ANAPC1: variants seen among roughly 807,000 people sequenced by gnomAD.
ANAPC1 encodes anaphase promoting complex subunit 1.
ANAPC1 carries 36 observed loss-of-function variants against 208.0 expected under a neutral mutation model. That is an observed-to-expected ratio of 0.17 (90% confidence interval 0.13 to 0.23). ANAPC1 has a LOEUF of 0.23. Ranked by LOEUF, ANAPC1 falls within the 10% of genes least tolerant of loss-of-function variation. ANAPC1 has a pLI of 1.00. For missense variants in ANAPC1, 942 were observed against 2,011.6 expected, an observed-to-expected ratio of 0.47 and a Z score of 10.17; for synonymous variants, 378 against 695.2, an observed-to-expected ratio of 0.54 and a Z score of 7.18.
Position 111,799,298 on chromosome 2 carries a change from C to T in ANAPC1, c.4296+1499G>A, listed in dbSNP as rs548825225. Among the ~76,000 whole-genome samples, 1,370 of 152,074 alleles carry T rather than the reference C, an allele frequency of 9.0e-3. 10 individuals are homozygous for T. Among genetic ancestry groups the T allele is most frequent in the Non-Finnish European group, 0.013 (910 of 67,984 alleles). Reference sequence around the variant, plus strand: ...GCACTAAAACTTAAAAAACTAACACCATTAATTATCGGTTAGATGGGCAAC... The same window carrying T: ...GCACTAAAACTTAAAAAACTAACACTATTAATTATCGGTTAGATGGGCAAC... On this transcript the variant is annotated intron_variant, in intron 34 of 47. Coordinates refer to ENST00000341068, the MANE Select transcript of ANAPC1 (RefSeq NM_022662.4).
At chr2:111,767,246 T>C (rs920386167), downstream of ANAPC1, among the ~76,000 whole-genome samples, 2 of 151,250 alleles carry the variant, frequency 1.3e-5, no homozygotes, top group Non-Finnish European at 2.9e-5. Context: ...GTGTGACTAC[T>C]TCGGGCCAAC....
intron 17 of ANAPC1, among the ~76,000 whole-genome samples, chr2:111,840,978 G>C (rs373225807): frequency 6.6e-6 from 1 of 152,204 alleles, no homozygotes; most frequent in African/African-American, 2.4e-5. Context: ...AGGAGGCAGA[G>C]GTTGTAGTGA....
intron 13 of ANAPC1, among the ~76,000 whole-genome samples, chr2:111,853,527 A>C (rs1283714375): frequency 2.6e-5 from 4 of 151,922 alleles, no homozygotes; most frequent in Non-Finnish European, 5.9e-5. Context: ...CTCTACTTCT[A>C]ATTCTAATTC....
intron 18 of ANAPC1, among the ~76,000 whole-genome samples, chr2:111,835,684 C>CA (rs901552563): frequency 9.9e-5 from 15 of 151,550 alleles, no homozygotes; most frequent in South Asian, 2.1e-4. Context: ...TAAAAAAATA[C>CA]AAAAAAATTA....
chr2:111,864,056 G>A (rs28582791), intron 8 of ANAPC1, among the ~76,000 whole-genome samples, 161 bp from the exon 9 acceptor site: 15 of 152,128 alleles, frequency 9.9e-5, no homozygotes, highest in South Asian at 2.1e-4. Context: ...GCCAGGTGCC[G>A]TGGCTTACAT....
At chr2:111,855,375 T>C (rs1345726579) in intron 13 of ANAPC1, among the ~76,000 whole-genome samples, 1 of 152,178 alleles carries the variant, frequency 6.6e-6, no homozygotes, top group African/African-American at 2.4e-5. Flanking sequence ...AATGAGCACA[T>C]GCTGCTGGAA....
chr2:111,872,751 A>G, intron 5 of ANAPC1, 39 bp from the exon 6 acceptor site: 1 of 1,275,152 alleles, frequency 7.8e-7, no homozygotes, highest in South Asian at 1.3e-5. Flanking sequence ...GAAGTAAGAG[A>G]ACCTACCCCT....
At chr2:111,873,053 A>G (rs1305406364) in intron 5 of ANAPC1, 8 of 461,694 alleles carry the variant, frequency 1.7e-5, no homozygotes, top group Admixed American at 1.2e-4. Context: ...AATATAACCA[A>G]AAGTTCTTAG....
chr2:111,829,569 T>C (rs11899807), intron 21 of ANAPC1, among the ~76,000 whole-genome samples: 2,895 of 152,270 alleles, frequency 0.019, 97 homozygotes, highest in African/African-American at 0.065. Context: ...AAACTTACCT[T>C]ATTCACCGTT....
At chr2:111,828,014 A>G (rs1027084800) in intron 21 of ANAPC1, among the ~76,000 whole-genome samples, 4 of 152,208 alleles carry the variant, frequency 2.6e-5, no homozygotes, top group African/African-American at 9.6e-5. Context: ...AAAAACCTAT[A>G]GAATGGGAGA....
intron 14 of ANAPC1, among the ~76,000 whole-genome samples, chr2:111,850,519 A>G (rs1409356054): frequency 6.6e-6 from 1 of 151,296 alleles, no homozygotes; most frequent in Non-Finnish European, 1.5e-5. Context: ...TTTCTTATGC[A>G]GACAGTACAT....
intron 19 of ANAPC1, 62 bp downstream of exon 19, chr2:111,834,529 GATACAAGGTTCCT>G (rs1327243932): frequency 1.2e-6 from 1 of 848,598 alleles, no homozygotes; most frequent in Non-Finnish European, 1.6e-6. Context: ...GTCCCTATAT[GATACAAGGTTCCT>G]ATATGGAAAA....
chr2:111,769,946 T>C (rs1381746025), intron 47 of ANAPC1, among the ~76,000 whole-genome samples: 5 of 151,938 alleles, frequency 3.3e-5, no homozygotes, highest in African/African-American at 1.2e-4. Context: ...CCTCCCAAAG[T>C]GCTGGGATTA....
In ANAPC1 at chr2:111,833,287, T is replaced by C. The variant is rs1680263166; in HGVS notation, c.2409A>G (p.Val803=). Residue 803 remains valine (V), a synonymous_variant, in exon 20 of 48, where the codon GTA becomes GTG. Coordinates refer to ENST00000341068, the MANE Select transcript of ANAPC1 (RefSeq NM_022662.4). The part of the protein sequence containing the change: ...LARDLKLGPY[V]DHYYRDYPTL... ...TTGGGTAGTCTCTATAGTAATGATC[T>C]ACATAAGGCCCCAATTTTAAGTCCC... is the stretch of plus-strand genomic sequence containing the variant. 1.3e-6 allele frequency: 2 copies of C among 1,592,900 alleles called. No individual in the cohort carries two copies. Among genetic ancestry groups the C allele is most frequent in the East Asian group, 4.5e-5 (2 of 44,588 alleles).
At chr2:111,877,280 T>C (rs1475775062) in intron 3 of ANAPC1, among the ~76,000 whole-genome samples, 6 of 150,744 alleles carry the variant, frequency 4.0e-5, no homozygotes, top group Non-Finnish European at 7.4e-5. Flanking sequence ...TCAAAGTTCA[T>C]TTAACAAGGA....
chr2:111,806,834 C>T (rs970152751), intron 29 of ANAPC1, among the ~76,000 whole-genome samples: 5 of 151,230 alleles, frequency 3.3e-5, no homozygotes, highest in African/African-American at 1.2e-4. Context: ...GTATTAAAAC[C>T]CTTCCCTCTG....
intron 3 of ANAPC1, among the ~76,000 whole-genome samples, chr2:111,878,559 A>G (rs562921243): frequency 8.7e-4 from 132 of 152,366 alleles, no homozygotes; most frequent in Non-Finnish European, 1.4e-3. Flanking sequence ...ATTGAATTAC[A>G]TAAGGACAGA....
At chr2:111,810,083 T>C (rs1678890523) in intron 28 of ANAPC1, among the ~76,000 whole-genome samples, 1 of 152,024 alleles carries the variant, frequency 6.6e-6, no homozygotes, top group Non-Finnish European at 1.5e-5. Context: ...ATGAATAAAA[T>C]GTACATTCAT....
At chr2:111,838,139 A>T (rs1239596691) in intron 18 of ANAPC1, among the ~76,000 whole-genome samples, 2 of 151,904 alleles carry the variant, frequency 1.3e-5, no homozygotes, top group Non-Finnish European at 2.9e-5. Context: ...ACCTTAATTT[A>T]AAAAACACTG....
Sources: gnomAD v4.1 joint callset for allele counts (sites outside exome capture counted in the v4.1 genomes callset) on GRCh38, gnomAD v4.1.1 for gene constraint, MANE v1.5 for transcripts, NCBI Gene and HGNC (gene_info 2026-07-23, HGNC 2026-07-21) for gene names.